The following AGBL1 variants were observed in gnomAD, a reference collection of about 807,000 sequenced individuals.
AGBL1 encodes the protein cytosolic carboxypeptidase 4.
Under a neutral mutation model 118.9 loss-of-function variants are expected in AGBL1, and 130 were observed. That is an observed-to-expected ratio of 1.09 (90% confidence interval 0.95 to 1.26). The LOEUF (loss-of-function observed/expected upper bound fraction) is 1.26. Ranked by LOEUF, AGBL1 falls within the 50% of genes most tolerant of loss-of-function variation. The pLI, the probability that AGBL1 is intolerant of heterozygous loss-of-function variation, is 0.00. For missense variants in AGBL1, 1,584 were observed against 1,298.1 expected (o/e 1.22, Z -3.38); for synonymous variants, 555 against 478.9 (o/e 1.16, Z -2.08).
At chr15:86,495,008 C>T (rs1036778175) in intron 18 of AGBL1, among the ~76,000 whole-genome samples, 6 of 151,772 alleles carry the variant, frequency 4.0e-5, no homozygotes, top group Admixed American at 2.6e-4. Context: ...AATCCATTCA[C>T]AATCCAATTT....
At chr15:86,766,330 T>C (rs1343473349) in intron 22 of AGBL1, among the ~76,000 whole-genome samples, 2 of 151,958 alleles carry the variant, frequency 1.3e-5, no homozygotes, top group African/African-American at 4.8e-5. Flanking sequence ...TTTCTTGTAA[T>C]TTTATACATG....
At chr15:86,119,560 TG>T (rs1897965567) in intron 1 of AGBL1, among the ~76,000 whole-genome samples, 1 of 152,020 alleles carries the variant, frequency 6.6e-6, no homozygotes, top group African/African-American at 2.4e-5. Flanking sequence ...ACCCATCAAC[TG>T]GGGCCAGTGG....
At chr15:86,119,955 C>T (rs1236204803) in intron 1 of AGBL1, among the ~76,000 whole-genome samples, 1 of 152,172 alleles carries the variant, frequency 6.6e-6, no homozygotes, top group African/African-American at 2.4e-5. Context: ...TAACTATTTA[C>T]AAACTAACTC....
intron 1 of AGBL1, among the ~76,000 whole-genome samples, chr15:86,133,788 T>C (rs1408167189): frequency 1.3e-5 from 2 of 152,234 alleles, no homozygotes; most frequent in African/African-American, 2.4e-5. Flanking sequence ...GAGGTTGTTT[T>C]CAAGGTTCCA....
chr15:87,008,607 G>C (rs1261187594), intron 24 of AGBL1, among the ~76,000 whole-genome samples: 1 of 152,194 alleles, frequency 6.6e-6, no homozygotes, highest in East Asian at 1.9e-4. Flanking sequence ...TTGGTAACAG[G>C]CAGGGGTTGG....
At chr15:86,596,355 G>T (rs73461652) in intron 21 of AGBL1, among the ~76,000 whole-genome samples, 2,637 of 152,134 alleles carry the variant, frequency 0.017, 77 homozygotes, top group African/African-American at 0.06. Context: ...ATGAACTTCT[G>T]TTCCTCACTG....
chr15:86,222,245 T>C (rs1392413523), intron 5 of AGBL1, among the ~76,000 whole-genome samples: 1 of 152,228 alleles, frequency 6.6e-6, no homozygotes, highest in African/African-American at 2.4e-5. Context: ...TTCTGTATGA[T>C]GTTTCCAGCA....
At position 86,612,455 on chromosome 15, in the gene AGBL1, G is replaced by A. The variant is rs12592514; in HGVS notation, c.2994+57918G>A. ...ATGGGGTCGGGGGAGGGGAAGGATG[G>A]GGGTCTGACATGCCTCATCACACCC... On this transcript the variant is annotated intron_variant, in intron 21 of 22. Coordinates refer to ENST00000614907, the MANE Select transcript of AGBL1 (RefSeq NM_001386094.1). Among the ~76,000 whole-genome samples, 98 of 151,052 alleles carry A rather than the reference G, an allele frequency of 6.5e-4. No homozygotes were observed. The East Asian group carries it at 0.015, about 24-fold the overall frequency.
intron 21 of AGBL1, among the ~76,000 whole-genome samples, chr15:86,564,931 G>A (rs2083888964): frequency 6.6e-6 from 1 of 152,018 alleles, no homozygotes; most frequent in Non-Finnish European, 1.5e-5. Flanking sequence ...ATTGCCTACT[G>A]GAGCTTGTGC....
chr15:86,709,088 A>G (rs185414451), intron 22 of AGBL1, among the ~76,000 whole-genome samples: 80 of 152,254 alleles, frequency 5.3e-4, no homozygotes, highest in African/African-American at 1.8e-3. Context: ...AGATTATACT[A>G]CATTAATTCT....
rs115132200 is a variant in AGBL1, at chr15:86,728,570, G to A, written c.3158+54134G>A. On this transcript the variant is annotated intron_variant, in intron 22 of 22. Coordinates refer to ENST00000614907, the MANE Select transcript of AGBL1 (RefSeq NM_001386094.1). ...TTGTGGAGCCATACTGAAGCCTGGG[G>A]CTAAATAAAAAAACCTTGCCTTTAT... Among the ~76,000 whole-genome samples the A allele has an allele frequency of 6.1e-3, 930 of 152,096 alleles. 11 individuals carry two copies. The highest frequency in any genetic ancestry group is 0.021 in the African/African-American group (881 of 41,478).
At chr15:86,795,821 G>T (rs11073673) in intron 22 of AGBL1, among the ~76,000 whole-genome samples, 3 of 150,776 alleles carry the variant, frequency 2.0e-5, no homozygotes, top group Admixed American at 6.6e-5. Flanking sequence ...CCTGACCTCA[G>T]GTGATCCACC....
rs536988356 is a variant in AGBL1, at chr15:87,015,662, A to AT, written c.3324-13159dup. Among the ~76,000 whole-genome samples, 500 of 152,264 alleles carry AT rather than the reference A, an allele frequency of 3.3e-3. 6 individuals carry two copies. The highest frequency in any genetic ancestry group is 0.011 in the African/African-American group (462 of 41,564). On this transcript the variant is annotated intron_variant, in intron 24 of 24. Transcript: ENST00000441037. Reference sequence around the variant, plus strand: ...AATAAATCTATTTATCTCCTAAAGCATTTTATGGCTTATTTCCCATAGTTG... The same window carrying AT: ...AATAAATCTATTTATCTCCTAAAGCATTTTTATGGCTTATTTCCCATAGTTG...
At chr15:86,821,950 C>G (rs546462850) in intron 22 of AGBL1, among the ~76,000 whole-genome samples, 52 of 152,262 alleles carry the variant, frequency 3.4e-4, no homozygotes, top group African/African-American at 1.2e-3. Context: ...TACCTCATAC[C>G]TGTGCTGGTC....
chr15:87,011,713 A>G (rs2081562154), intron 24 of AGBL1, among the ~76,000 whole-genome samples: 1 of 152,212 alleles, frequency 6.6e-6, no homozygotes, highest in African/African-American at 2.4e-5. Context: ...TTTATTTTGT[A>G]GTCAACAAAG....
intron 22 of AGBL1, among the ~76,000 whole-genome samples, chr15:86,751,533 C>A (rs942851752): frequency 5.9e-5 from 9 of 152,044 alleles, no homozygotes; most frequent in African/African-American, 2.2e-4. Flanking sequence ...CAAATGGGAT[C>A]TAAATAAACT....
intron 9 of AGBL1, among the ~76,000 whole-genome samples, chr15:86,259,144 G>A (rs2078943768): frequency 6.6e-6 from 1 of 152,210 alleles, no homozygotes; most frequent in Non-Finnish European, 1.5e-5. Flanking sequence ...CTTGTGCATT[G>A]TAGGATGTTT....
At chr15:86,452,014 G>A (rs764365242) in intron 18 of AGBL1, among the ~76,000 whole-genome samples, 33 of 152,036 alleles carry the variant, frequency 2.2e-4, no homozygotes, top group Non-Finnish European at 4.7e-4. Context: ...CAATGAATTG[G>A]CTCTTATATC....
At chr15:86,475,968 C>T (rs986656677) in intron 18 of AGBL1, among the ~76,000 whole-genome samples, 1 of 152,102 alleles carries the variant, frequency 6.6e-6, no homozygotes, top group African/African-American at 2.4e-5. Flanking sequence ...CATATCCAGC[C>T]AAACTAAGCT....
Sources: gnomAD v4.1 joint callset for allele counts (sites outside exome capture counted in the v4.1 genomes callset) on GRCh38, gnomAD v4.1.1 for gene constraint, MANE v1.5 for transcripts, NCBI Gene and HGNC (gene_info 2026-07-23, HGNC 2026-07-21) for gene names.